MAP3K20: variants seen among roughly 807,000 people sequenced by gnomAD.
The protein encoded by MAP3K20 is HCCS-4.
A neutral mutation model predicts 85.7 loss-of-function variants in MAP3K20; 40 were observed. The observed-to-expected ratio is 0.47, with a 90% CI of 0.36 to 0.61. MAP3K20 has a LOEUF of 0.61. Ranked by LOEUF, MAP3K20 falls within the 20% of genes least tolerant of loss-of-function variation. MAP3K20 has a pLI of 0.00. For synonymous variants in MAP3K20, 325 were observed against 327.7 expected, an observed-to-expected ratio of 0.99 and a Z score of 0.09; for missense variants, 817 against 961.7, an observed-to-expected ratio of 0.85 and a Z score of 1.99.
chr2:173,076,525 A>AAGTT (rs1226011961), intron 1 of MAP3K20, among the ~76,000 whole-genome samples: 1 of 152,330 alleles, frequency 6.6e-6, no homozygotes, highest in Admixed American at 6.5e-5. Flanking sequence ...CTGCTTTTCT[A>AAGTT]AGAACTCGAC....
intron 4 of MAP3K20, among the ~76,000 whole-genome samples, chr2:173,185,139 G>C (rs913993090): frequency 6.6e-6 from 1 of 152,156 alleles, no homozygotes; most frequent in African/African-American, 2.4e-5. Context: ...TACTCAGGAG[G>C]CTAAGGCAGG....
intron 16 of MAP3K20, among the ~76,000 whole-genome samples, chr2:173,241,011 G>C (rs529731211): frequency 3.9e-4 from 59 of 152,230 alleles, no homozygotes; most frequent in African/African-American, 1.4e-3. Flanking sequence ...TAAGCCAGTC[G>C]CAGAAAGACG....
At chr2:173,259,079 T>G (rs868313167) in intron 17 of MAP3K20, among the ~76,000 whole-genome samples, 7 of 152,238 alleles carry the variant, frequency 4.6e-5, no homozygotes, top group Admixed American at 1.3e-4. Flanking sequence ...TATTATTTCT[T>G]TATGCTTACT....
At chr2:173,255,233 T>C (rs1205782671) in intron 16 of MAP3K20, among the ~76,000 whole-genome samples, 1 of 152,206 alleles carries the variant, frequency 6.6e-6, no homozygotes, top group Non-Finnish European at 1.5e-5. Flanking sequence ...GCTTTCTTGG[T>C]TGTATCAACG....
At chr2:173,128,361 C>T (rs1688508521) in intron 2 of MAP3K20, among the ~76,000 whole-genome samples, 1 of 144,428 alleles carries the variant, frequency 6.9e-6, no homozygotes, top group Admixed American at 6.9e-5. Flanking sequence ...CAGATAGAGT[C>T]TCGCTCTGTT....
At chr2:173,247,996 G>A (rs1011400228) in intron 16 of MAP3K20, among the ~76,000 whole-genome samples, 1 of 152,220 alleles carries the variant, frequency 6.6e-6, no homozygotes, top group Admixed American at 6.5e-5. Flanking sequence ...TAAGCATGAG[G>A]TAAGCGAAAG....
intron 2 of MAP3K20, among the ~76,000 whole-genome samples, chr2:173,103,876 C>T (rs1224399270): frequency 6.6e-6 from 1 of 152,074 alleles, no homozygotes; most frequent in Non-Finnish European, 1.5e-5. Context: ...AAACTGTGAC[C>T]TGAACAGATT....
chr2:173,180,959 C>A (rs904487810), intron 3 of MAP3K20, among the ~76,000 whole-genome samples: 2 of 151,908 alleles, frequency 1.3e-5, no homozygotes, highest in East Asian at 1.9e-4. Flanking sequence ...AGACAAATGA[C>A]AAACTGGGAA....
chr2:173,097,044 C>T (rs1687482033), intron 2 of MAP3K20, among the ~76,000 whole-genome samples: 1 of 152,158 alleles, frequency 6.6e-6, no homozygotes, highest in African/African-American at 2.4e-5. Context: ...GAGAACACTC[C>T]CAACATGACA....
At chr2:173,223,257 A>G (rs1684299687) in intron 11 of MAP3K20, 2 of 984,248 alleles carry the variant, frequency 2.0e-6, no homozygotes, top group Non-Finnish European at 2.4e-6. Flanking sequence ...ACTGTCACTC[A>G]GAATCCTGGG....
chr2:173,123,589 C>A (rs961253167), intron 2 of MAP3K20, among the ~76,000 whole-genome samples: 1 of 152,226 alleles, frequency 6.6e-6, no homozygotes, highest in Non-Finnish European at 1.5e-5. Context: ...GGGCAAGCAA[C>A]TTCCATGGTC....
At chr2:173,135,400 T>C (rs934086725) in intron 2 of MAP3K20, among the ~76,000 whole-genome samples, 9 of 152,162 alleles carry the variant, frequency 5.9e-5, no homozygotes, top group African/African-American at 1.7e-4. Context: ...GAGCAGTGGG[T>C]TAACAGACGG....
intron 1 of MAP3K20, among the ~76,000 whole-genome samples, chr2:173,089,971 C>T (rs1333362260): frequency 6.6e-6 from 1 of 152,150 alleles, no homozygotes; most frequent in African/African-American, 2.4e-5. Context: ...GGAGCCTAGG[C>T]CAGATGTTTT....
At chr2:173,259,701 G>C (rs963904212) in intron 17 of MAP3K20, among the ~76,000 whole-genome samples, 4 of 152,222 alleles carry the variant, frequency 2.6e-5, no homozygotes, top group Non-Finnish European at 5.9e-5. Flanking sequence ...TAATTTGCAA[G>C]TGGACATCAA....
At chr2:173,166,534 A>C (rs1689828411) in intron 2 of MAP3K20, 1 of 152,218 alleles carries the variant, frequency 6.6e-6, no homozygotes, top group Admixed American at 6.5e-5. Flanking sequence ...AATATACATA[A>C]ACATAAAACT....
Position 173,265,986 on chromosome 2 carries a change from C to A in MAP3K20, c.1703-64C>A, listed in dbSNP as rs7593499. The A allele has an allele frequency of 2.5e-4, 368 of 1,467,422 alleles. 4 individuals are homozygous for A. In the East Asian group the frequency reaches 9.1e-3, roughly 36 times the overall value. The allele number at this position is 1,467,422 out of a possible 1,614,324, so 90.9% of individuals were successfully genotyped here. ...CAGCCCTGAATTATCCTAAGACAGG[C>A]GTATGAATTAGACATGCAGCTTTAG... On this transcript the variant is annotated intron_variant, in intron 19 of 19. Coordinates refer to ENST00000375213, the MANE Select transcript of MAP3K20 (RefSeq NM_016653.3).
chr2:173,217,266 C>T lies in MAP3K20; in HGVS notation c.987+16C>T, dbSNP rs1173464182. The T allele has an allele frequency of 6.5e-7, 1 of 1,527,092 alleles. No homozygotes were observed. Among genetic ancestry groups the T allele is most frequent in the South Asian group, 1.3e-5 (1 of 75,586 alleles). The allele number at this position is 1,527,092 out of a possible 1,614,324, so 94.6% of individuals were successfully genotyped here. On this transcript the variant is annotated intron_variant, in intron 11 of 19. Transcript: ENST00000375213. The stretch of plus-strand genomic sequence containing the variant: ...CAACACCCCGGTGAGTACCCTCCCC[C>T]TTCGCCGTCTTTCCACATGCGGCTC...
chr2:173,228,877 A>AT (rs1684453913), intron 11 of MAP3K20, among the ~76,000 whole-genome samples: 1 of 152,240 alleles, frequency 6.6e-6, no homozygotes, highest in Admixed American at 6.5e-5. Context: ...ACAATTTGCC[A>AT]TATTATCTCA....
At chr2:173,168,705 C>T (rs1689910125) in intron 2 of MAP3K20, among the ~76,000 whole-genome samples, 1 of 152,066 alleles carries the variant, frequency 6.6e-6, no homozygotes, top group Non-Finnish European at 1.5e-5. Context: ...TTGAAAAATA[C>T]TGAATATTTT....
Sources: gnomAD v4.1 joint callset for allele counts (sites outside exome capture counted in the v4.1 genomes callset) on GRCh38, gnomAD v4.1.1 for gene constraint, MANE v1.5 for transcripts, NCBI Gene and HGNC (gene_info 2026-07-23, HGNC 2026-07-21) for gene names.